JARID2: variants seen among roughly 807,000 people sequenced by gnomAD.
The protein encoded by JARID2 is jumonji and AT-rich interaction domain containing 2, also known as protein Jumonji.
In JARID2, 21 loss-of-function variants were observed where a neutral mutation model predicts 125.6. That is an observed-to-expected ratio of 0.17 (90% CI 0.12 to 0.24). JARID2 has a LOEUF of 0.24. Ranked by LOEUF, JARID2 falls within the 10% of genes least tolerant of loss-of-function variation. The probability of loss-of-function intolerance (pLI) is 1.00; values close to 1 mark genes in which losing one functional copy is unlikely to be tolerated. For synonymous variants in JARID2, 736 were observed against 661.6 expected (o/e 1.11, Z -1.73); for missense variants, 1,303 against 1,639.6 (o/e 0.79, Z 3.55).
intron 1 of JARID2, among the ~76,000 whole-genome samples, chr6:15,294,285 C>T (rs189639713): frequency 1.8e-3 from 276 of 152,246 alleles, no homozygotes; most frequent in African/African-American, 6.2e-3. Context: ...CTCCACCTCC[C>T]GGGTTCAAGC....
intron 1 of JARID2, among the ~76,000 whole-genome samples, chr6:15,328,616 C>T (rs948637453): frequency 6.6e-6 from 1 of 151,912 alleles, no homozygotes; most frequent in Non-Finnish European, 1.5e-5. Context: ...ATCTAGGTTG[C>T]CCAGTGTAAT....
intron 2 of JARID2, among the ~76,000 whole-genome samples, chr6:15,394,572 G>A (rs933382174): frequency 5.3e-5 from 8 of 152,158 alleles, no homozygotes; most frequent in African/African-American, 1.7e-4. Context: ...TGACTGCAGC[G>A]TGGGACACAG....
intron 1 of JARID2, among the ~76,000 whole-genome samples, chr6:15,296,946 T>C (rs1761437255): frequency 6.6e-6 from 1 of 152,254 alleles, no homozygotes; most frequent in Non-Finnish European, 1.5e-5. Context: ...TATCTTGGCT[T>C]CCTGCTTACA....
intron 1 of JARID2, among the ~76,000 whole-genome samples, chr6:15,369,895 A>G (rs1168256954): frequency 1.3e-5 from 2 of 152,194 alleles, no homozygotes; most frequent in Admixed American, 1.3e-4. Flanking sequence ...TGGCTGAGGA[A>G]CGAGTGGTAG....
intron 16 of JARID2, among the ~76,000 whole-genome samples, chr6:15,516,605 A>C (rs913478146): frequency 2.0e-5 from 3 of 152,156 alleles, no homozygotes; most frequent in Non-Finnish European, 4.4e-5. Flanking sequence ...GGGAGTTTGC[A>C]TGGGGTCGTT....
chr6:15,250,364 C>T lies in JARID2; in HGVS notation c.45+3780C>T, dbSNP rs370104144. ...ACTTATTCATCACAAATTGTTCAGT[C>T]ACGTTATTTTACAGTTGGTGGGGTG... On this transcript the variant is annotated intron_variant, in intron 1 of 17. Coordinates refer to ENST00000341776, the MANE Select transcript of JARID2 (RefSeq NM_004973.4). Among the ~76,000 whole-genome samples, 46 of 152,258 alleles carry T rather than the reference C, an allele frequency of 3.0e-4. No individual in the cohort carries two copies. The South Asian group carries it at 5.0e-3, about 16-fold the overall frequency.
intron 1 of JARID2, among the ~76,000 whole-genome samples, chr6:15,329,787 G>A (rs138625509): frequency 6.6e-6 from 1 of 152,316 alleles, no homozygotes; most frequent in East Asian, 1.9e-4. Flanking sequence ...GAAAAAGAAG[G>A]CCTGAGTCTC....
chr6:15,376,347 T>TA (rs1764353475), intron 2 of JARID2, among the ~76,000 whole-genome samples: 1 of 152,208 alleles, frequency 6.6e-6, no homozygotes, highest in Non-Finnish European at 1.5e-5. Flanking sequence ...ACCTTTTTGT[T>TA]ATTCTGTATG....
chr6:15,445,600 T>TA (rs1483621205), intron 3 of JARID2, among the ~76,000 whole-genome samples: 2 of 152,192 alleles, frequency 1.3e-5, no homozygotes, highest in African/African-American at 4.8e-5. Flanking sequence ...GAAGTACAAA[T>TA]ACTCTCTGAT....
intron 5 of JARID2, among the ~76,000 whole-genome samples, chr6:15,481,978 A>G (rs935874125): frequency 6.6e-6 from 1 of 152,206 alleles, no homozygotes; most frequent in Non-Finnish European, 1.5e-5. Context: ...TGCTGTCCAT[A>G]GTATTTTCCT....
intron 1 of JARID2, among the ~76,000 whole-genome samples, chr6:15,318,288 C>T (rs766401342): frequency 1.3e-5 from 2 of 152,108 alleles, no homozygotes; most frequent in Non-Finnish European, 2.9e-5. Flanking sequence ...ACTCCAAGGC[C>T]CAGCTGGAGG....
chr6:15,483,321 G>A (rs1020489235), intron 5 of JARID2, among the ~76,000 whole-genome samples: 4 of 151,960 alleles, frequency 2.6e-5, no homozygotes, highest in Non-Finnish European at 5.9e-5. Context: ...TGTGCTCAGG[G>A]GCCATGATTC....
chr6:15,283,030 G>C (rs1581365009), intron 1 of JARID2, among the ~76,000 whole-genome samples: 1 of 151,884 alleles, frequency 6.6e-6, no homozygotes, highest in Non-Finnish European at 1.5e-5. Flanking sequence ...CCAGGCTGGA[G>C]TGTAGTGGCG....
At chr6:15,257,865 G>A (rs1472077441) in intron 1 of JARID2, among the ~76,000 whole-genome samples, 1 of 152,138 alleles carries the variant, frequency 6.6e-6, no homozygotes, top group African/African-American at 2.4e-5. Context: ...AGGGCATTTA[G>A]AACTAAATGA....
At chr6:15,300,455 C>A (rs957920717) in intron 1 of JARID2, among the ~76,000 whole-genome samples, 3 of 152,168 alleles carry the variant, frequency 2.0e-5, no homozygotes, top group Non-Finnish European at 2.9e-5. Context: ...CCCCTCCCAT[C>A]TTCCTGAGAT....
In JARID2 at chr6:15,322,890, A is replaced by G. The variant is rs559198034; in HGVS notation, c.46-51227A>G. Among the ~76,000 whole-genome samples the G allele has an allele frequency of 4.6e-4, 70 of 152,384 alleles. No individual in the cohort carries two copies. In the Middle Eastern group the frequency reaches 0.01, roughly 22 times the overall value. On this transcript the variant is annotated intron_variant, in intron 1 of 17. Coordinates refer to ENST00000341776, the MANE Select transcript of JARID2 (RefSeq NM_004973.4). ...ACTTTCCCCTTGATTTCCAAATTCC[A>G]GAATATTAGGCATAACCATAATATA... is the stretch of plus-strand genomic sequence containing the variant.
At chr6:15,262,170 C>A (rs1466795096) in intron 1 of JARID2, among the ~76,000 whole-genome samples, 1 of 146,896 alleles carries the variant, frequency 6.8e-6, no homozygotes, top group African/African-American at 2.5e-5. Flanking sequence ...TTTTTTTTGC[C>A]TGTTAATTTT....
chr6:15,337,501 G>C (rs1196383679), intron 1 of JARID2, among the ~76,000 whole-genome samples: 1 of 152,142 alleles, frequency 6.6e-6, no homozygotes, highest in African/African-American at 2.4e-5. Flanking sequence ...GTGGGTGGTA[G>C]AAAGCCATGG....
chr6:15,266,561 C>T (rs1448657901), intron 1 of JARID2, among the ~76,000 whole-genome samples: 7 of 152,198 alleles, frequency 4.6e-5, no homozygotes, highest in African/African-American at 1.4e-4. Flanking sequence ...CGTTGCTCAA[C>T]GTGTTTCTCC....
Sources: gnomAD v4.1 joint callset for allele counts (sites outside exome capture counted in the v4.1 genomes callset) on GRCh38, gnomAD v4.1.1 for gene constraint, MANE v1.5 for transcripts, NCBI Gene and HGNC (gene_info 2026-07-23, HGNC 2026-07-21) for gene names.